Variants in KCNK10 observed in about 807,000 individuals in gnomAD.
KCNK10 encodes the protein potassium two pore domain channel subfamily K member 10, also known as potassium channel subfamily K member 10.
In KCNK10, 25 loss-of-function variants were observed where a neutral mutation model predicts 47.7. That is an observed-to-expected ratio of 0.52 (90% CI 0.38 to 0.73). The LOEUF (loss-of-function observed/expected upper bound fraction) is 0.73. KCNK10 is among the 30% of genes least tolerant of loss of function. The pLI is 0.00. For synonymous variants in KCNK10, 303 were observed against 285.6 expected, an observed-to-expected ratio of 1.06 and a Z score of -0.61; for missense variants, 563 against 714.5, an observed-to-expected ratio of 0.79 and a Z score of 2.42.
intron 4 of KCNK10, among the ~76,000 whole-genome samples, chr14:88,196,886 C>G (rs565951717): frequency 1.3e-5 from 2 of 152,344 alleles, no homozygotes; most frequent in East Asian, 1.9e-4. Flanking sequence ...TCACTTATAA[C>G]TAATAATTTC....
Position 88,227,358 on chromosome 14 carries a change from T to A in KCNK10, c.681+17A>T. 6.3e-7 allele frequency: 1 copy of A among 1,582,178 alleles called. No individual in the cohort carries two copies. Among genetic ancestry groups the A allele is most frequent in the Non-Finnish European group, 8.6e-7 (1 of 1,168,116 alleles). On this transcript the variant is annotated intron_variant, in intron 4 of 6. Transcript: ENST00000319231. ...TGGATCACAGTGGTTAGAATTTAAA[T>A]ATGACACAGTACTCACTCGAAAGAC...
At chr14:88,201,486 C>G (rs1405853381) in intron 4 of KCNK10, among the ~76,000 whole-genome samples, 1 of 151,850 alleles carries the variant, frequency 6.6e-6, no homozygotes, top group Non-Finnish European at 1.5e-5. Flanking sequence ...ATGGTGAAAC[C>G]CTGTCTCTAC....
At chr14:88,222,000 C>T (rs1885825845) in intron 4 of KCNK10, among the ~76,000 whole-genome samples, 1 of 152,162 alleles carries the variant, frequency 6.6e-6, no homozygotes, top group Non-Finnish European at 1.5e-5. Context: ...AGTCCGTTTT[C>T]ACGCTGCTGA....
In KCNK10 at chr14:88,180,267, A is replaced by G. The variant is rs986561027; in HGVS notation, c.*5268T>C. 1 of 152,404 alleles carries G rather than the reference A, an allele frequency of 6.6e-6. No individual in the cohort carries two copies. Among genetic ancestry groups the G allele is most frequent in the Non-Finnish European group, 1.5e-5 (1 of 68,140 alleles). 9.4% of individuals were successfully genotyped at this position (152,404 alleles called of 1,614,324 possible). On this transcript the variant is annotated 3_prime_UTR_variant, in exon 7 of 7. Coordinates refer to ENST00000319231, the MANE Select transcript of KCNK10 (RefSeq NM_138317.3). ...CATTATGAAATCTCCCTCCCCCCACATTATTTTCTGTAAAATGCCTTTTTT... is the reference window on the plus strand; with the variant it reads ...CATTATGAAATCTCCCTCCCCCCACGTTATTTTCTGTAAAATGCCTTTTTT...
intron 1 of KCNK10, among the ~76,000 whole-genome samples, chr14:88,304,803 C>T (rs1888173707): frequency 6.6e-6 from 1 of 151,992 alleles, no homozygotes. Flanking sequence ...AGTCACAGTG[C>T]TGTGGCTGTG....
intron 4 of KCNK10, among the ~76,000 whole-genome samples, chr14:88,209,023 G>A (rs780223297): frequency 1.3e-5 from 2 of 152,108 alleles, no homozygotes; most frequent in Non-Finnish European, 2.9e-5. Context: ...GCCAAGGAAC[G>A]GAACAAATAA....
upstream of KCNK10, among the ~76,000 whole-genome samples, chr14:88,324,593 A>G (rs1417309099): frequency 6.6e-6 from 1 of 152,178 alleles, no homozygotes; most frequent in Non-Finnish European, 1.5e-5. Flanking sequence ...AGAACAAGAC[A>G]GAGATCTTGC....
chr14:88,205,485 CCTT>C lies in KCNK10; in HGVS notation c.682-13078_682-13076del, dbSNP rs144105979. 6.3e-3 allele frequency among the ~76,000 whole-genome samples: 952 copies of C among 152,000 alleles called. 7 individuals are homozygous for C. Among genetic ancestry groups the C allele is most frequent in the African/African-American group, 0.022 (912 of 41,426 alleles). On this transcript the variant is annotated intron_variant, in intron 4 of 6. Coordinates refer to ENST00000319231, the MANE Select transcript of KCNK10 (RefSeq NM_138317.3). ...GTGTCTCCCTACTACACAGTGTGCT[CCTT>C]CATCTCAATGTTCTAAGTGCCTGGC...
chr14:88,215,428 T>G (rs984394401), intron 4 of KCNK10, among the ~76,000 whole-genome samples: 1 of 152,138 alleles, frequency 6.6e-6, no homozygotes, highest in Non-Finnish European at 1.5e-5. Flanking sequence ...AAGAGCAGCA[T>G]GGGAATAATC....
At chr14:88,326,500 G>C, upstream of KCNK10, 2 of 1,497,790 alleles carry the variant, frequency 1.3e-6, no homozygotes, top group Non-Finnish European at 9.3e-7. Context: ...CCTCTGTGCC[G>C]CCGCAACTTC....
At chr14:88,230,883 G>A (rs777484351) in intron 3 of KCNK10, among the ~76,000 whole-genome samples, 1 of 152,266 alleles carries the variant, frequency 6.6e-6, no homozygotes, top group Non-Finnish European at 1.5e-5. Flanking sequence ...GGTTATGCAG[G>A]ATTAAATGAG....
intron 2 of KCNK10, among the ~76,000 whole-genome samples, chr14:88,261,923 T>A (rs904351732): frequency 3.9e-5 from 6 of 152,234 alleles, no homozygotes; most frequent in Admixed American, 6.5e-5. Context: ...AAGGGAAGAA[T>A]TTGTATTTCT....
chr14:88,192,938 G>A (rs1360933378), intron 4 of KCNK10, among the ~76,000 whole-genome samples: 1 of 152,180 alleles, frequency 6.6e-6, no homozygotes, highest in Non-Finnish European at 1.5e-5. Flanking sequence ...GGAAAACACA[G>A]TCATCCCCAT....
At chr14:88,290,878 C>G (rs1887861004) in intron 1 of KCNK10, among the ~76,000 whole-genome samples, 1 of 152,158 alleles carries the variant, frequency 6.6e-6, no homozygotes, top group Admixed American at 6.5e-5. Flanking sequence ...AAAAGGCACC[C>G]ACCATGCAAG....
intron 6 of KCNK10, among the ~76,000 whole-genome samples, chr14:88,187,623 G>GTA (rs1884608334): frequency 1.1e-5 from 1 of 92,022 alleles, no homozygotes; most frequent in Non-Finnish European, 2.6e-5. Context: ...AGGACAGGCT[G>GTA]CACCCCCCCA....
At chr14:88,195,206 C>T (rs933614514) in intron 4 of KCNK10, among the ~76,000 whole-genome samples, 1 of 152,106 alleles carries the variant, frequency 6.6e-6, no homozygotes, top group Non-Finnish European at 1.5e-5. Flanking sequence ...TAGGGAAAGA[C>T]TGCCTGAGAC....
At chr14:88,321,753 C>T (rs140776082) in intron 1 of KCNK10, among the ~76,000 whole-genome samples, 1 of 152,142 alleles carries the variant, frequency 6.6e-6, no homozygotes, top group African/African-American at 2.4e-5. Flanking sequence ...AGAAGAAATG[C>T]GCTCATAAAG....
intron 4 of KCNK10, among the ~76,000 whole-genome samples, chr14:88,194,789 T>C (rs1884857225): frequency 6.6e-6 from 1 of 152,166 alleles, no homozygotes. Flanking sequence ...AACAAGTGTG[T>C]TCCTGGGCTG....
upstream of KCNK10, chr14:88,326,348 G>T: frequency 7.4e-7 from 1 of 1,353,010 alleles, no homozygotes; most frequent in Non-Finnish European, 1.1e-6. Context: ...TTAGCCCTTT[G>T]GGCTACTGCA....
Sources: allele counts gnomAD v4.1 joint callset (sites outside exome capture counted in the v4.1 genomes callset), GRCh38; gene constraint gnomAD v4.1.1; transcripts MANE v1.5; gene names NCBI Gene and HGNC (gene_info 2026-07-23, HGNC 2026-07-21).